PRTG: variants seen among roughly 807,000 people sequenced by gnomAD.
The protein encoded by PRTG is immunoglobulin superfamily, DCC subclass, member 5.
PRTG carries 67 observed loss-of-function variants against 122.5 expected under a neutral mutation model. That is an observed-to-expected ratio of 0.55 (90% CI 0.45 to 0.67). PRTG has a LOEUF of 0.67. Among genes scored for constraint, PRTG ranks in the 30% least tolerant of loss-of-function variants. The pLI, the probability that PRTG is intolerant of heterozygous loss-of-function variation, is 0.00. For missense variants in PRTG, 1,435 were observed against 1,415.4 expected (o/e 1.01, Z -0.22); for synonymous variants, 554 against 501.1 (o/e 1.11, Z -1.41).
chr15:55,672,668 A>C (rs2059479582), intron 10 of PRTG, 35 bp from the exon 11 acceptor site: 1 of 1,522,624 alleles, frequency 6.6e-7, no homozygotes, highest in Admixed American at 1.9e-5. Context: ...ATGTATAAAC[A>C]ACCCAATATC....
rs879095941 is a variant in PRTG at position 55,616,143 on chromosome 15, A to C, written c.*3869T>G. The C allele has an allele frequency of 5.3e-5, 8 of 152,270 alleles. No homozygotes were observed. The South Asian group carries it at 1.7e-3, about 32-fold the overall frequency. 9.4% of individuals were successfully genotyped at this position (152,270 alleles called of 1,614,324 possible). On this transcript the variant is annotated 3_prime_UTR_variant, in exon 20 of 20. Transcript: ENST00000389286. Reference sequence around the variant, plus strand: ...AAAGCTGTATTTTTACTTTTAGGCTAATCAAAATATAAAACCCCAGATTTC... The same window carrying C: ...AAAGCTGTATTTTTACTTTTAGGCTCATCAAAATATAAAACCCCAGATTTC...
Position 55,742,849 on chromosome 15 carries a change from C to A in PRTG, c.83G>T (p.Ser28Ile). 6.5e-7 allele frequency: 1 copy of A among 1,541,168 alleles called. No individual in the cohort carries two copies. Among genetic ancestry groups the A allele is most frequent in the Non-Finnish European group, 8.8e-7 (1 of 1,142,354 alleles). The change falls in exon 1 of 20, where the codon AGT (serine) becomes ATT (isoleucine). Residue 28 changes from serine to isoleucine, a missense_variant. Transcript: ENST00000389286. ...GAAAGCGCGCCCACCTGGCAAAGGA[C>A]TGAGCAGCAGCAGGAGCAGGAGCGC... ...LRALLLLLLL[S>I]PLPGVWCFSE...
Position 55,619,896 on chromosome 15 carries a change from T to C in PRTG, c.*116A>G, listed in dbSNP as rs971600993. The C allele has an allele frequency of 1.6e-5, 24 of 1,510,464 alleles. No homozygotes were observed. The Admixed American group carries it at 2.5e-4, about 15-fold the overall frequency. 93.6% of individuals were successfully genotyped at this position (1,510,464 alleles called of 1,614,324 possible). A position where few individuals can be genotyped will look rare whatever the true frequency, so the allele number is the denominator to read the frequency against. On this transcript the variant is annotated 3_prime_UTR_variant, in exon 20 of 20. Transcript: ENST00000389286. ...AAATCATTTTTATCAAAGCATAGCATGGCAGATGGCGGCTGCAGAACTAAG... is the reference window on the plus strand; with the variant it reads ...AAATCATTTTTATCAAAGCATAGCACGGCAGATGGCGGCTGCAGAACTAAG...
At chr15:55,699,111 AGATATT>A (rs2059648167) in intron 2 of PRTG, among the ~76,000 whole-genome samples, 1 of 152,172 alleles carries the variant, frequency 6.6e-6, no homozygotes, top group Admixed American at 6.5e-5. Context: ...TGGAGCTAAT[AGATATT>A]ATTTCTCTAG....
intron 2 of PRTG, among the ~76,000 whole-genome samples, chr15:55,723,732 G>T (rs2030916031): frequency 6.7e-6 from 1 of 148,602 alleles, no homozygotes; most frequent in Non-Finnish European, 1.5e-5. Context: ...AAGATTAATA[G>T]CCATATTCTT....
intron 2 of PRTG, among the ~76,000 whole-genome samples, chr15:55,710,688 C>G (rs2030344471): frequency 6.6e-6 from 1 of 150,870 alleles, no homozygotes; most frequent in Non-Finnish European, 1.5e-5. Context: ...TAAAAGCCTT[C>G]TCTATAAACT....
At chr15:55,699,196 A>T (rs2141838500) in intron 2 of PRTG, among the ~76,000 whole-genome samples, 1 of 152,330 alleles carries the variant, frequency 6.6e-6, no homozygotes, top group Middle Eastern at 3.4e-3. Flanking sequence ...GATATGTTCA[A>T]ATTATTCATA....
chr15:55,704,394 T>C (rs971584530), intron 2 of PRTG, among the ~76,000 whole-genome samples: 1 of 152,124 alleles, frequency 6.6e-6, no homozygotes, highest in Non-Finnish European at 1.5e-5. Context: ...ACCAAATCCA[T>C]CAAGATCACA....
intron 2 of PRTG, among the ~76,000 whole-genome samples, chr15:55,701,491 G>A (rs2059663467): frequency 6.6e-6 from 1 of 152,046 alleles, no homozygotes. Flanking sequence ...CCGAGATCAC[G>A]CCACTGCACC....
chr15:55,741,968 A>G (rs546714399), intron 1 of PRTG, among the ~76,000 whole-genome samples: 1 of 152,256 alleles, frequency 6.6e-6, no homozygotes, highest in South Asian at 2.1e-4. Flanking sequence ...ATTCTCCTGA[A>G]CACCTCTCCT....
chr15:55,673,715 G>C (rs764516154), intron 9 of PRTG, 39 bp from the exon 10 acceptor site: 4 of 1,512,242 alleles, frequency 2.6e-6, no homozygotes, highest in Non-Finnish European at 3.7e-6. Flanking sequence ...TAAATATTTA[G>C]AATCGAATTG....
At chr15:55,686,412 T>C (rs1409093951) in intron 2 of PRTG, among the ~76,000 whole-genome samples, 1 of 152,160 alleles carries the variant, frequency 6.6e-6, no homozygotes, top group Admixed American at 6.5e-5. Flanking sequence ...GTTTAAATTT[T>C]TTTTACAGAA....
At chr15:55,668,744 T>A (rs533116029) in intron 11 of PRTG, among the ~76,000 whole-genome samples, 1 of 152,238 alleles carries the variant, frequency 6.6e-6, no homozygotes, top group African/African-American at 2.4e-5. Context: ...CAAGCTAACA[T>A]CAAAATATTT....
Position 55,639,812 on chromosome 15 carries a change from C to G in PRTG, c.2154G>C (p.Met718Ile). 1 of 1,613,904 alleles carries G rather than the reference C, an allele frequency of 6.2e-7. No homozygotes were observed. Among genetic ancestry groups the G allele is most frequent in the Non-Finnish European group, 8.5e-7 (1 of 1,179,946 alleles). ...TPGCVSVRDR[M>I]VPPPPPPHHL... ...GGTGGGGTGGTGGTGGAGGAGGGAC[C>G]ATGCGATCACGAACAGCTATTGAGA... Residue 718 changes from methionine to isoleucine, a missense_variant, in exon 13 of 20, where the codon ATG (methionine) becomes ATC (isoleucine). Transcript: ENST00000389286.
At chr15:55,656,283 T>C (rs1416144237) in intron 11 of PRTG, 1 of 448,732 alleles carries the variant, frequency 2.2e-6, no homozygotes, top group African/African-American at 2.0e-5. Context: ...AAGGATGGCA[T>C]TTCCAGTTGA....
intron 2 of PRTG, among the ~76,000 whole-genome samples, chr15:55,740,112 G>C (rs1385492030): frequency 1.3e-5 from 2 of 152,168 alleles, no homozygotes; most frequent in East Asian, 1.9e-4. Flanking sequence ...CATACTTCGT[G>C]AAATGCTTAA....
At chr15:55,690,274 T>C (rs1313960272) in intron 2 of PRTG, among the ~76,000 whole-genome samples, 2 of 152,248 alleles carry the variant, frequency 1.3e-5, no homozygotes, top group Non-Finnish European at 2.9e-5. Flanking sequence ...TAATCTCTTC[T>C]AAATTTATTA....
intron 2 of PRTG, among the ~76,000 whole-genome samples, chr15:55,728,367 G>A (rs921480370): frequency 3.9e-5 from 6 of 152,078 alleles, no homozygotes; most frequent in Non-Finnish European, 8.8e-5. Flanking sequence ...TCAGCAAACT[G>A]TTAGCAAACC....
chr15:55,709,648 A>C (rs1477404748), intron 2 of PRTG, among the ~76,000 whole-genome samples: 3 of 152,150 alleles, frequency 2.0e-5, no homozygotes, highest in African/African-American at 7.2e-5. Flanking sequence ...TAAATTAACA[A>C]GTGAGTGAAT....
Sources: gnomAD v4.1 joint callset for allele counts (sites outside exome capture counted in the v4.1 genomes callset) on GRCh38, gnomAD v4.1.1 for gene constraint, MANE v1.5 for transcripts, NCBI Gene and HGNC (gene_info 2026-07-23, HGNC 2026-07-21) for gene names.